Variants in UNC13B observed in about 807,000 individuals in gnomAD.
UNC13B encodes protein unc-13 homolog B.
A neutral mutation model predicts 211.0 loss-of-function variants in UNC13B; 144 were observed. That is an observed-to-expected ratio of 0.68 (90% CI 0.60 to 0.78). UNC13B has a LOEUF of 0.78. Ranked by LOEUF, UNC13B falls within the 30% of genes least tolerant of loss-of-function variation. The probability of loss-of-function intolerance (pLI) is 0.00; values close to 1 mark genes in which losing one functional copy is unlikely to be tolerated. For synonymous variants in UNC13B, 709 were observed against 725.8 expected, an observed-to-expected ratio of 0.98 and a Z score of 0.37; for missense variants, 1,777 against 2,002.0, an observed-to-expected ratio of 0.89 and a Z score of 2.14.
chr9:35,383,001 A>G (rs1047905479), intron 21 of UNC13B, among the ~76,000 whole-genome samples: 6 of 152,312 alleles, frequency 3.9e-5, no homozygotes, highest in Admixed American at 6.5e-5. Context: ...CTCCTCACAC[A>G]CAGATAAAGA....
chr9:35,386,664 C>T (rs1420828433), intron 24 of UNC13B, among the ~76,000 whole-genome samples: 2 of 152,108 alleles, frequency 1.3e-5, no homozygotes, highest in Non-Finnish European at 2.9e-5. Flanking sequence ...GGGCTTCCTT[C>T]CTCTGAGATC....
chr9:35,294,172 A>C (rs1156669871), intron 7 of UNC13B, among the ~76,000 whole-genome samples: 1 of 151,894 alleles, frequency 6.6e-6, no homozygotes, highest in African/African-American at 2.4e-5. Context: ...TCTGTCTGGA[A>C]TTTTCTTTTT....
chr9:35,204,504 G>C lies in UNC13B; in HGVS notation c.23-23511G>C, dbSNP rs556786489. 2.0e-4 allele frequency among the ~76,000 whole-genome samples: 31 copies of C among 152,340 alleles called. No individual in the cohort carries two copies. In the South Asian group the frequency reaches 6.4e-3, roughly 32 times the overall value. On this transcript the variant is annotated intron_variant, in intron 1 of 39. Coordinates refer to ENST00000635942, the MANE Select transcript of UNC13B (RefSeq NM_001371189.2). ...GCCTGTGAGAGCAACTCTGAAGGCTGAATCCTGGAAAGATTTGGAACTTTC... is the reference window on the plus strand; with the variant it reads ...GCCTGTGAGAGCAACTCTGAAGGCTCAATCCTGGAAAGATTTGGAACTTTC...
chr9:35,162,287 T>C lies in UNC13B; in HGVS notation c.4T>C (p.Ser2Pro). The C allele has an allele frequency of 1.9e-6, 3 of 1,542,338 alleles. No homozygotes were observed. ...GAGGCTTGCCCGATCCTCGGCCATG[T>C]CACTGCTCTGCGTGCGCGGTGAGTG... Reference protein sequence around the residue: MSLLCVRVKRAK... With the variant: MPLLCVRVKRAK... Residue 2 changes from serine (S) to proline (P), a missense_variant, in exon 1 of 40, where the codon TCA becomes CCA. Physicochemically the swap from Ser to Pro is moderately conservative, Grantham distance 74 (BLOSUM62 -1). Coordinates refer to ENST00000635942, the MANE Select transcript of UNC13B (RefSeq NM_001371189.2).
intron 11 of UNC13B, among the ~76,000 whole-genome samples, chr9:35,340,592 A>G (rs1831928784): frequency 6.6e-6 from 1 of 152,242 alleles, no homozygotes; most frequent in Non-Finnish European, 1.5e-5. Context: ...GGAATGTTGC[A>G]GGGCAGCAGA....
Position 35,302,786 on chromosome 9 carries a change from GA to G in UNC13B, c.3385del (p.Ile1129LeufsTer7), listed in dbSNP as rs1375720140. 2.5e-6 allele frequency: 1 copy of G among 398,494 alleles called. No homozygotes were observed. The highest frequency in any genetic ancestry group is 4.4e-6 in the Non-Finnish European group (1 of 225,764). 24.7% of individuals were successfully genotyped at this position (398,494 alleles called of 1,614,324 possible). On this transcript the variant is annotated frameshift_variant, in exon 9 of 40. Transcript: ENST00000635942. LOFTEE classifies it high-confidence loss of function. ...CACTTCCAAATCCACTTTGGTTAATGAAATTAATGAAGATGAGGTTATAGAT... is the reference window on the plus strand; with the variant it reads ...CACTTCCAAATCCACTTTGGTTAATGAATTAATGAAGATGAGGTTATAGAT... ...STTSKSTLVN[E>X]INEDEVIDKT...
In UNC13B at chr9:35,250,957, CTTT is replaced by C. The variant is rs35077779; in HGVS notation, c.468+7614_468+7616del. ...ATGAAAAAATGTAGAGTTACTCTTC[CTTT>C]TTTTTTTTTTTTTTTTTTTTGAGAA... is the stretch of plus-strand genomic sequence containing the variant. On this transcript the variant is annotated intron_variant, in intron 6 of 39. Transcript: ENST00000635942. Among the ~76,000 whole-genome samples the C allele has an allele frequency of 9.3e-4, 72 of 77,074 alleles. No individual in the cohort carries two copies. The South Asian group carries it at 0.024, about 26-fold the overall frequency. 50.6% of individuals were successfully genotyped at this position (77,074 alleles called of 152,430 possible).
intron 7 of UNC13B, among the ~76,000 whole-genome samples, chr9:35,281,980 A>G (rs760918841): frequency 3.3e-5 from 5 of 152,204 alleles, no homozygotes; most frequent in African/African-American, 1.2e-4. Context: ...CAGAGAACTC[A>G]TATCACAAAG....
At chr9:35,251,704 C>T (rs538482765) in intron 6 of UNC13B, among the ~76,000 whole-genome samples, 1 of 152,046 alleles carries the variant, frequency 6.6e-6, no homozygotes, top group East Asian at 1.9e-4. Flanking sequence ...TCACACTGAA[C>T]TTAATAATTT....
intron 1 of UNC13B, among the ~76,000 whole-genome samples, chr9:35,211,681 C>T (rs529183093): frequency 3.0e-4 from 46 of 152,272 alleles, no homozygotes; most frequent in African/African-American, 1.0e-3. Flanking sequence ...AAAGACTGTT[C>T]CAAATTACAC....
chr9:35,308,474 G>A (rs1272289122), intron 9 of UNC13B, 62 bp downstream of exon 9: 8 of 397,970 alleles, frequency 2.0e-5, no homozygotes, highest in African/African-American at 1.6e-4. Flanking sequence ...TGATGCAAGT[G>A]ACTTAGTGGT....
intron 11 of UNC13B, among the ~76,000 whole-genome samples, chr9:35,330,508 T>C (rs1433643934): frequency 1.3e-5 from 2 of 152,220 alleles, no homozygotes; most frequent in Non-Finnish European, 2.9e-5. Context: ...GTAACTTATC[T>C]ATGGATGACT....
At chr9:35,227,526 C>T (rs1044021624) in intron 1 of UNC13B, among the ~76,000 whole-genome samples, 7 of 151,988 alleles carry the variant, frequency 4.6e-5, no homozygotes, top group African/African-American at 9.7e-5. Context: ...TTGGAAACAG[C>T]GCTTTGTGAT....
In UNC13B at chr9:35,250,753, A is replaced by G. The variant is rs371362759; in HGVS notation, c.468+7389A>G. Among the ~76,000 whole-genome samples, 116 of 152,288 alleles carry G rather than the reference A, an allele frequency of 7.6e-4. 1 individual carries two copies. The South Asian group carries it at 0.019, about 24-fold the overall frequency. ...TGCCAGCCTATTTTCCAAAGTGGCTATGACATTTTATACTCCTACCAGCAG... is the reference window on the plus strand; with the variant it reads ...TGCCAGCCTATTTTCCAAAGTGGCTGTGACATTTTATACTCCTACCAGCAG... On this transcript the variant is annotated intron_variant, in intron 6 of 39. Transcript: ENST00000635942.
intron 11 of UNC13B, among the ~76,000 whole-genome samples, chr9:35,332,534 G>A (rs533481319): frequency 3.4e-4 from 52 of 151,936 alleles, no homozygotes; most frequent in Middle Eastern, 3.2e-3. Context: ...TTTTCTTTGT[G>A]GTTTCTTTTA....
intron 21 of UNC13B, among the ~76,000 whole-genome samples, 175 bp downstream of exon 21, chr9:35,382,682 C>T (rs926270135): frequency 6.6e-6 from 1 of 151,814 alleles, no homozygotes; most frequent in Non-Finnish European, 1.5e-5. Flanking sequence ...CCTTTCTCAG[C>T]CTCCTGAGTA....
rs1039771361 is a variant in UNC13B at position 35,302,372 on chromosome 9, A to G, written c.2968A>G (p.Asn990Asp). ...KFDSIKEFNK[N>D]DQVNCPEDAK... ...TGACAGTATAAAGGAATTTAATAAGAATGACCAAGTAAATTGTCCTGAAGA... is the reference window on the plus strand; with the variant it reads ...TGACAGTATAAAGGAATTTAATAAGGATGACCAAGTAAATTGTCCTGAAGA... Residue 990 changes from asparagine to aspartate, a missense_variant, in exon 9 of 40, where the codon AAT (asparagine) becomes GAT (aspartate). Coordinates refer to ENST00000635942, the MANE Select transcript of UNC13B (RefSeq NM_001371189.2). The G allele has an allele frequency of 2.5e-6, 1 of 398,522 alleles. No homozygotes were observed. Among genetic ancestry groups the G allele is most frequent in the African/African-American group, 2.1e-5 (1 of 48,612 alleles). 24.7% of individuals were successfully genotyped at this position (398,522 alleles called of 1,614,324 possible).
At chr9:35,233,092 G>A (rs1329935029) in intron 3 of UNC13B, among the ~76,000 whole-genome samples, 1 of 152,146 alleles carries the variant, frequency 6.6e-6, no homozygotes, top group African/African-American at 2.4e-5. Flanking sequence ...ATGAGACCGA[G>A]AGCACCTGTT....
intron 6 of UNC13B, among the ~76,000 whole-genome samples, chr9:35,248,343 G>T (rs1458052427): frequency 1.3e-5 from 2 of 152,016 alleles, no homozygotes; most frequent in Non-Finnish European, 2.9e-5. Context: ...GGTTTTTTGT[G>T]TCTCTATGTC....
Sources: allele counts gnomAD v4.1 joint callset (sites outside exome capture counted in the v4.1 genomes callset), GRCh38; gene constraint gnomAD v4.1.1; transcripts MANE v1.5; gene names NCBI Gene and HGNC (gene_info 2026-07-23, HGNC 2026-07-21).